Variants in KSR2 observed in about 807,000 individuals in gnomAD.
KSR2 encodes kinase suppressor of ras 2.
Under a neutral mutation model 107.8 loss-of-function variants are expected in KSR2, and 25 were observed. The ratio of observed to expected loss-of-function variants is 0.23; its 90% CI spans 0.17 to 0.32. KSR2 has a LOEUF of 0.32. Among genes scored for constraint, KSR2 ranks in the 10% least tolerant of loss-of-function variants. KSR2 has a pLI of 1.00. For synonymous variants in KSR2, 480 were observed against 507.0 expected (o/e 0.95, Z 0.71); for missense variants, 887 against 1,268.9 (o/e 0.70, Z 4.57).
chr12:117,859,164 T>TG (rs1893199391), intron 2 of KSR2, among the ~76,000 whole-genome samples: 1 of 121,012 alleles, frequency 8.3e-6, no homozygotes, highest in Non-Finnish European at 1.7e-5. Context: ...TTTTTTTTTT[T>TG]GAGACAGAGT....
chr12:117,645,488 A>T (rs1883574246), intron 5 of KSR2, among the ~76,000 whole-genome samples: 2 of 152,220 alleles, frequency 1.3e-5, no homozygotes, highest in African/African-American at 4.8e-5. Flanking sequence ...AAGGGAAAGA[A>T]GTTAGCTAAG....
At chr12:117,474,976 CA>C (rs1871684323) in intron 17 of KSR2, among the ~76,000 whole-genome samples, 6 of 152,134 alleles carry the variant, frequency 3.9e-5, no homozygotes. Context: ...AGGCACCACC[CA>C]AATTCAATCC....
intron 5 of KSR2, among the ~76,000 whole-genome samples, chr12:117,660,611 A>G (rs1884395750): frequency 6.6e-6 from 1 of 152,196 alleles, no homozygotes; most frequent in Non-Finnish European, 1.5e-5. Flanking sequence ...AGGCACATCC[A>G]CAGGTGTGTG....
chr12:117,906,811 G>A (rs1894868053), intron 1 of KSR2, among the ~76,000 whole-genome samples: 1 of 152,102 alleles, frequency 6.6e-6, no homozygotes, highest in South Asian at 2.1e-4. Context: ...TTCGGGAGGT[G>A]AAGGTGAGAG....
chr12:117,709,456 T>C (rs1020182477), intron 4 of KSR2, among the ~76,000 whole-genome samples: 5 of 152,132 alleles, frequency 3.3e-5, no homozygotes, highest in African/African-American at 4.8e-5. Flanking sequence ...CCAGAGTAGC[T>C]GGGTCTATGG....
At chr12:117,609,914 C>A (rs1517197) in intron 5 of KSR2, among the ~76,000 whole-genome samples, 5 of 152,116 alleles carry the variant, frequency 3.3e-5, no homozygotes, top group Admixed American at 6.6e-5. Flanking sequence ...GCCATATGGC[C>A]CACAAAACCT....
At chr12:117,775,755 A>AAAAG (rs1889664567) in intron 3 of KSR2, among the ~76,000 whole-genome samples, 1 of 152,174 alleles carries the variant, frequency 6.6e-6, no homozygotes, top group African/African-American at 2.4e-5. Flanking sequence ...CTCAGCCATA[A>AAAAG]AAAGGAATGA....
intron 1 of KSR2, among the ~76,000 whole-genome samples, chr12:117,917,144 TC>T (rs1299689164): frequency 2.0e-5 from 3 of 152,232 alleles, no homozygotes; most frequent in Non-Finnish European, 2.9e-5. Flanking sequence ...TTGCCAAATG[TC>T]CCCTGGGAGG....
In KSR2 at chr12:117,559,463, G is replaced by A. The variant is rs113124597; in HGVS notation, c.1326-890C>T. 3.0e-3 allele frequency among the ~76,000 whole-genome samples: 452 copies of A among 152,106 alleles called. 2 individuals are homozygous for A. Among genetic ancestry groups the A allele is most frequent in the African/African-American group, 9.9e-3 (409 of 41,476 alleles). On this transcript the variant is annotated intron_variant, in intron 7 of 19. Coordinates refer to ENST00000339824, the MANE Select transcript of KSR2 (RefSeq NM_173598.6). Reference sequence around the variant, plus strand: ...CATTTAATCTTCGTAACAACTTCACGAAATGGGCATTATTATCATTCCCAT... The same window carrying A: ...CATTTAATCTTCGTAACAACTTCACAAAATGGGCATTATTATCATTCCCAT...
intron 5 of KSR2, among the ~76,000 whole-genome samples, chr12:117,645,306 T>A (rs1883565505): frequency 6.6e-6 from 1 of 152,200 alleles, no homozygotes. Context: ...GATTTTTTTT[T>A]AGTACATGAA....
In KSR2 at chr12:117,834,967, G is replaced by A. The variant is rs1008748793; in HGVS notation, c.472+20461C>T. ...AGCTGTGCGGGTAAACCAGAGAGCC[G>A]TCTTCGAGGGCAGGGATGCAGTTTC... is the stretch of plus-strand genomic sequence containing the variant. On this transcript the variant is annotated intron_variant, in intron 3 of 19. Transcript: ENST00000339824. Among the ~76,000 whole-genome samples the A allele has an allele frequency of 9.8e-5, 15 of 152,308 alleles. No homozygotes were observed. The East Asian group carries it at 2.3e-3, about 23-fold the overall frequency.
chr12:117,824,478 C>T (rs1009180713), intron 3 of KSR2, among the ~76,000 whole-genome samples: 1 of 152,026 alleles, frequency 6.6e-6, no homozygotes, highest in Admixed American at 6.6e-5. Flanking sequence ...ACTTTTTGAT[C>T]TTTACAAATT....
chr12:117,814,701 A>C (rs1891311498), intron 3 of KSR2, among the ~76,000 whole-genome samples: 1 of 152,164 alleles, frequency 6.6e-6, no homozygotes, highest in Admixed American at 6.6e-5. Flanking sequence ...GGGCATGAAG[A>C]GTGAACTCTA....
rs1171336790 is a variant in KSR2, at chr12:117,473,872, C to T, written c.2583-2552G>A. 7.2e-5 allele frequency among the ~76,000 whole-genome samples: 11 copies of T among 152,262 alleles called. No individual in the cohort carries two copies. The East Asian group carries it at 2.1e-3, about 29-fold the overall frequency. On this transcript the variant is annotated intron_variant, in intron 17 of 19. Transcript: ENST00000339824. ...CATCACTGTAAGGCATGTCACTGAGCCATCTGAAGCCTCAGTATTCTCACC... is the reference window on the plus strand; with the variant it reads ...CATCACTGTAAGGCATGTCACTGAGTCATCTGAAGCCTCAGTATTCTCACC...
intron 7 of KSR2, among the ~76,000 whole-genome samples, chr12:117,574,205 C>G (rs1278419295): frequency 6.9e-6 from 1 of 145,352 alleles, no homozygotes; most frequent in Admixed American, 6.8e-5. Flanking sequence ...TTTTTTTTTT[C>G]TTTTTAATAA....
rs568836678 is a variant in KSR2, at chr12:117,730,770, G to A, written c.986+30241C>T. On this transcript the variant is annotated intron_variant, in intron 4 of 19. Coordinates refer to ENST00000339824, the MANE Select transcript of KSR2 (RefSeq NM_173598.6). Reference sequence around the variant, plus strand: ...AGTGATCTGCCCGCCTCGGCCTCCCGAGGTGCCGGGATTGCAGACGGAGTC... The same window carrying A: ...AGTGATCTGCCCGCCTCGGCCTCCCAAGGTGCCGGGATTGCAGACGGAGTC... Among the ~76,000 whole-genome samples, 310 of 152,300 alleles carry A rather than the reference G, an allele frequency of 2.0e-3. 1 individual carries two copies. The highest frequency in any genetic ancestry group is 3.7e-3 in the Non-Finnish European group (253 of 68,028).
At chr12:117,936,548 G>C (rs1022393195) in intron 1 of KSR2, among the ~76,000 whole-genome samples, 3 of 150,758 alleles carry the variant, frequency 2.0e-5, no homozygotes, top group Non-Finnish European at 3.0e-5. Flanking sequence ...AGTAGTAGTA[G>C]TAGTAGTAGT....
intron 1 of KSR2, among the ~76,000 whole-genome samples, chr12:117,943,227 G>A (rs1230258961): frequency 6.6e-6 from 1 of 152,040 alleles, no homozygotes; most frequent in Non-Finnish European, 1.5e-5. Flanking sequence ...AAAGTACTTT[G>A]CCTTAATGAC....
At chr12:117,836,884 C>G (rs77337670) in intron 3 of KSR2, among the ~76,000 whole-genome samples, 1 of 152,262 alleles carries the variant, frequency 6.6e-6, no homozygotes, top group Non-Finnish European at 1.5e-5. Flanking sequence ...CAAGCTCTTT[C>G]CAGATGTCTC....
Sources: allele counts gnomAD v4.1 joint callset (sites outside exome capture counted in the v4.1 genomes callset), GRCh38; gene constraint gnomAD v4.1.1; transcripts MANE v1.5; gene names NCBI Gene and HGNC (gene_info 2026-07-23, HGNC 2026-07-21).